AGAP1: variants seen among roughly 807,000 people sequenced by gnomAD.
AGAP1 encodes ArfGAP with GTPase domain, ankyrin repeat and PH domain 1.
A neutral mutation model predicts 105.3 loss-of-function variants in AGAP1; 29 were observed. The observed-to-expected ratio is 0.28, with a 90% CI of 0.21 to 0.38. The LOEUF (loss-of-function observed/expected upper bound fraction) is 0.38, where lower values mean the gene tolerates loss of function less well. AGAP1 is among the 10% of genes least tolerant of loss of function. The pLI, the probability that AGAP1 is intolerant of heterozygous loss-of-function variation, is 1.00. For synonymous variants in AGAP1, 509 were observed against 485.9 expected (o/e 1.05, Z -0.63); for missense variants, 998 against 1,165.1 (o/e 0.86, Z 2.09).
At position 236,044,996 on chromosome 2, in the gene AGAP1, C is replaced by T. The variant is rs959108332; in HGVS notation, c.1892-4063C>T. Among the ~76,000 whole-genome samples, 1 of 152,158 alleles carries T rather than the reference C, an allele frequency of 6.6e-6. No homozygotes were observed. The highest frequency in any genetic ancestry group is 2.4e-5 in the African/African-American group (1 of 41,436). On this transcript the variant is annotated intron_variant, in intron 15 of 17. Coordinates refer to ENST00000304032, the MANE Select transcript of AGAP1 (RefSeq NM_001037131.3). The surrounding 1 kb of genome is among the most constrained non-coding windows in gnomAD (Gnocchi z 5.7). ...GCAGTGCAATCATGGCTCACTGCAG[C>T]CTTGAACTCTTAGGCTCCAGCAATC...
At position 235,601,246 on chromosome 2, in the gene AGAP1, C is replaced by T. The variant is rs1945721430; in HGVS notation, c.163+106397C>T. Among the ~76,000 whole-genome samples, 1 of 152,120 alleles carries T rather than the reference C, an allele frequency of 6.6e-6. No homozygotes were observed. Among genetic ancestry groups the T allele is most frequent in the Non-Finnish European group, 1.5e-5 (1 of 68,014 alleles). On this transcript the variant is annotated intron_variant, in intron 1 of 17. Transcript: ENST00000304032. The surrounding 1 kb of genome is among the most constrained non-coding windows in gnomAD (Gnocchi z 4.4). Reference sequence around the variant, plus strand: ...CCCTCTTTCTGGCTTGCAGATAGTTCCTCCTTACTGTGTCCTCTCTGTGCT... The same window carrying T: ...CCCTCTTTCTGGCTTGCAGATAGTTTCTCCTTACTGTGTCCTCTCTGTGCT...
intron 1 of AGAP1, among the ~76,000 whole-genome samples, chr2:235,562,862 G>A (rs923519582): frequency 6.6e-6 from 1 of 152,054 alleles, no homozygotes; most frequent in Non-Finnish European, 1.5e-5. Flanking sequence ...GTTAAGACCA[G>A]CCTGGACAAC....
chr2:235,625,481 G>A lies in AGAP1; in HGVS notation c.164-83698G>A, dbSNP rs1946609592. Among the ~76,000 whole-genome samples the A allele has an allele frequency of 6.6e-6, 1 of 152,168 alleles. No individual in the cohort carries two copies. The highest frequency in any genetic ancestry group is 1.5e-5 in the Non-Finnish European group (1 of 68,042). On this transcript the variant is annotated intron_variant, in intron 1 of 17. Transcript: ENST00000304032. The surrounding 1 kb of genome is among the most constrained non-coding windows in gnomAD (Gnocchi z 4.0). Reference sequence around the variant, plus strand: ...CTTTGGAGGGATGGTGGGTTTCAATGGTTTGAAAGAGAAAACCATGCTTTG... The same window carrying A: ...CTTTGGAGGGATGGTGGGTTTCAATAGTTTGAAAGAGAAAACCATGCTTTG...
At chr2:235,607,788 G>A (rs945715055) in intron 1 of AGAP1, among the ~76,000 whole-genome samples, 6 of 152,208 alleles carry the variant, frequency 3.9e-5, no homozygotes, top group African/African-American at 1.4e-4. Flanking sequence ...AGACTGCTGC[G>A]CTGGTGGGAT....
At position 235,859,386 on chromosome 2, in the gene AGAP1, C is replaced by G. The variant is rs138036606; in HGVS notation, c.1051-23959C>G. On this transcript the variant is annotated intron_variant, in intron 9 of 17. Transcript: ENST00000304032. ...ATCCTGAAATCTGCAACTCTCCCCC[C>G]ACAACCTCCCCCCCCCCCCCCGCCT... 4.8e-4 allele frequency among the ~76,000 whole-genome samples: 43 copies of G among 89,406 alleles called. 1 individual carries two copies. The East Asian group carries it at 6.6e-3, about 14-fold the overall frequency. 58.7% of individuals were successfully genotyped at this position (89,406 alleles called of 152,430 possible).
intron 11 of AGAP1, among the ~76,000 whole-genome samples, chr2:235,909,330 T>C (rs1401278442): frequency 4.6e-5 from 7 of 152,192 alleles, no homozygotes; most frequent in African/African-American, 1.7e-4. Context: ...AAAATGTAAA[T>C]TCTGTGTTGT....
chr2:236,067,293 A>G (rs1042843368), intron 16 of AGAP1, among the ~76,000 whole-genome samples: 1 of 152,144 alleles, frequency 6.6e-6, no homozygotes, highest in Non-Finnish European at 1.5e-5. Flanking sequence ...TATATATAAC[A>G]CAATGCTGAA....
rs951209771 is a variant in AGAP1 at position 236,119,465 on chromosome 2, C to T, written c.2115-727C>T. 2.0e-5 allele frequency among the ~76,000 whole-genome samples: 3 copies of T among 152,158 alleles called. No homozygotes were observed. The highest frequency in any genetic ancestry group is 4.4e-5 in the Non-Finnish European group (3 of 68,014). On this transcript the variant is annotated intron_variant, in intron 16 of 17. Transcript: ENST00000304032. This position sits in a 1 kb window ranked among gnomAD's most constrained non-coding sequence, Gnocchi z 6.6. ...GAGTCTGTTGCCATGTTTTCCTCAG[C>T]TGAAAGGGTTTGGAGACCCTGGGGA... is the stretch of plus-strand genomic sequence containing the variant.
intron 9 of AGAP1, among the ~76,000 whole-genome samples, chr2:235,871,078 C>T (rs2049413238): frequency 6.6e-6 from 1 of 152,094 alleles, no homozygotes; most frequent in African/African-American, 2.4e-5. Context: ...TTTGAGTTCT[C>T]AAGGAAAGGG....
At position 235,792,718 on chromosome 2, in the gene AGAP1, CGAGAGGCAGGTCTGA is replaced by C. The variant is rs748276546; in HGVS notation, c.674-5033_674-5019del. Among the ~76,000 whole-genome samples, 99 of 152,242 alleles carry C rather than the reference CGAGAGGCAGGTCTGA, an allele frequency of 6.5e-4. No individual in the cohort carries two copies. Among genetic ancestry groups the C allele is most frequent in the Non-Finnish European group, 1.2e-3 (80 of 68,024 alleles). Reference sequence around the variant, plus strand: ...GCCATCGACTGAGCTAGAAAACAGACGAGAGGCAGGTCTGAGAGAGGCTAGGAGGCCCAGGCTGGG... The same window carrying C: ...GCCATCGACTGAGCTAGAAAACAGACGAGAGGCTAGGAGGCCCAGGCTGGG... On this transcript the variant is annotated intron_variant, in intron 6 of 17. Transcript: ENST00000304032. This position sits in a 1 kb window ranked among gnomAD's most constrained non-coding sequence, Gnocchi z 5.3.
At chr2:235,697,818 G>A (rs2149465174) in intron 1 of AGAP1, among the ~76,000 whole-genome samples, 1 of 152,324 alleles carries the variant, frequency 6.6e-6, no homozygotes, top group South Asian at 2.1e-4. Flanking sequence ...GCCCAGGACT[G>A]ACAGAAACTC....
intron 16 of AGAP1, among the ~76,000 whole-genome samples, chr2:236,052,775 C>A (rs991704063): frequency 3.9e-5 from 6 of 152,126 alleles, no homozygotes; most frequent in African/African-American, 1.4e-4. Context: ...CCTTTGTCCC[C>A]CTCTGTAATG....
At chr2:236,047,911 C>T (rs1385465852) in intron 15 of AGAP1, among the ~76,000 whole-genome samples, 1 of 152,082 alleles carries the variant, frequency 6.6e-6, no homozygotes, top group Non-Finnish European at 1.5e-5. Flanking sequence ...AGCCTCTTCT[C>T]ACATTTCTTG....
chr2:235,575,682 G>T (rs564952883), intron 1 of AGAP1, among the ~76,000 whole-genome samples: 1 of 152,258 alleles, frequency 6.6e-6, no homozygotes, highest in African/African-American at 2.4e-5. Flanking sequence ...AAGGGCTGCC[G>T]TAGGGAAAGG....
chr2:235,994,559 A>G lies in AGAP1; in HGVS notation c.1645+25936A>G, dbSNP rs1251325327. ...CATAGTGGGGACACACTGAGAGGTT[A>G]CTTTCTACCAAACTGTTTCCTAATT... On this transcript the variant is annotated intron_variant, in intron 13 of 17. Coordinates refer to ENST00000304032, the MANE Select transcript of AGAP1 (RefSeq NM_001037131.3). The surrounding 1 kb of genome is among the most constrained non-coding windows in gnomAD (Gnocchi z 4.4). Among the ~76,000 whole-genome samples, 2 of 152,046 alleles carry G rather than the reference A, an allele frequency of 1.3e-5. No homozygotes were observed. The highest frequency in any genetic ancestry group is 4.8e-5 in the African/African-American group (2 of 41,386).
At chr2:235,650,259 G>T (rs1297711404) in intron 1 of AGAP1, among the ~76,000 whole-genome samples, 1 of 152,116 alleles carries the variant, frequency 6.6e-6, no homozygotes, top group Admixed American at 6.6e-5. Context: ...TACTCCAGAG[G>T]CTGAGACAGG....
At chr2:235,677,659 C>G (rs1559338298) in intron 1 of AGAP1, among the ~76,000 whole-genome samples, 1 of 151,812 alleles carries the variant, frequency 6.6e-6, no homozygotes, top group African/African-American at 2.4e-5. Context: ...AGACGATTGT[C>G]AGAGGGAATC....
chr2:235,701,114 T>C lies in AGAP1; in HGVS notation c.164-8065T>C, dbSNP rs551283848. 6.8e-6 allele frequency among the ~76,000 whole-genome samples: 1 copy of C among 147,446 alleles called. No individual in the cohort carries two copies. Among genetic ancestry groups the C allele is most frequent in the South Asian group, 2.1e-4 (1 of 4,742 alleles). On this transcript the variant is annotated intron_variant, in intron 1 of 17. Transcript: ENST00000304032. This position sits in a 1 kb window ranked among gnomAD's most constrained non-coding sequence, Gnocchi z 4.1. ...ATATACTCTATAATATAGTTATATG[T>C]ACATATTATATATTATGTATATATG... is the stretch of plus-strand genomic sequence containing the variant.
chr2:235,709,318 G>A, intron 2 of AGAP1, 81 bp downstream of exon 2: 1 of 1,477,120 alleles, frequency 6.8e-7, no homozygotes, highest in Non-Finnish European at 9.5e-7. Flanking sequence ...CCAGGCAACT[G>A]GTCATCGCCT....
Sources: allele counts gnomAD v4.1 joint callset (sites outside exome capture counted in the v4.1 genomes callset), GRCh38; gene constraint gnomAD v4.1.1; non-coding constraint Gnocchi (gnomAD v3.1); transcripts MANE v1.5; gene names NCBI Gene and HGNC (gene_info 2026-07-23, HGNC 2026-07-21).